Variants in NALF1 observed in about 807,000 individuals in gnomAD.
NALF1 encodes family with sequence similarity 155 member A.
NALF1 carries 3 observed loss-of-function variants against 48.4 expected under a neutral mutation model. That is an observed-to-expected ratio of 0.06 (90% CI 0.03 to 0.16). The LOEUF (loss-of-function observed/expected upper bound fraction) is 0.16. Among genes scored for constraint, NALF1 ranks in the 10% least tolerant of loss-of-function variants. The pLI is 1.00. For missense variants in NALF1, 526 were observed against 571.5 expected (o/e 0.92, Z 0.81); for synonymous variants, 262 against 245.7 (o/e 1.07, Z -0.62).
At chr13:107,182,253 C>CAT (rs1039929017) in intron 2 of NALF1, among the ~76,000 whole-genome samples, 1 of 143,758 alleles carries the variant, frequency 7.0e-6, no homozygotes, top group Non-Finnish European at 1.5e-5. Flanking sequence ...TGTGTGTGTC[C>CAT]GTGTGTGTGT....
At chr13:107,171,909 G>T (rs1424734391) in intron 2 of NALF1, among the ~76,000 whole-genome samples, 1 of 152,178 alleles carries the variant, frequency 6.6e-6, no homozygotes. Context: ...TCACATGCTT[G>T]GTTCAGTGCC....
intron 1 of NALF1, among the ~76,000 whole-genome samples, chr13:107,815,315 A>C (rs1352119739): frequency 1.3e-5 from 2 of 149,226 alleles, no homozygotes; most frequent in Non-Finnish European, 3.0e-5. Context: ...ACTCAGTAAC[A>C]CAAGATAAAT....
chr13:107,199,674 G>C (rs1020914798), intron 2 of NALF1, among the ~76,000 whole-genome samples: 1 of 152,142 alleles, frequency 6.6e-6, no homozygotes, highest in Non-Finnish European at 1.5e-5. Context: ...TCCAGGTAGC[G>C]GAGGTGTGTG....
chr13:107,257,260 G>C (rs910815919), intron 1 of NALF1, among the ~76,000 whole-genome samples: 19 of 152,096 alleles, frequency 1.2e-4, no homozygotes, highest in African/African-American at 4.6e-4. Flanking sequence ...ACACAGAGCC[G>C]AACCATGTTA....
intron 1 of NALF1, among the ~76,000 whole-genome samples, chr13:107,506,878 A>T (rs1875713551): frequency 1.3e-5 from 2 of 151,614 alleles, no homozygotes; most frequent in South Asian, 4.2e-4. Context: ...CTTTTTTTTT[A>T]ATTTCTCCTG....
chr13:107,709,690 A>G (rs1875507924), intron 1 of NALF1, among the ~76,000 whole-genome samples: 1 of 152,232 alleles, frequency 6.6e-6, no homozygotes. Flanking sequence ...AATAGTCTCA[A>G]CATGCATATG....
chr13:107,830,329 T>C (rs995442752), intron 1 of NALF1, among the ~76,000 whole-genome samples: 86 of 152,230 alleles, frequency 5.6e-4, no homozygotes, highest in African/African-American at 2.0e-3. Flanking sequence ...TATCTATGTA[T>C]AAAATGTATG....
chr13:107,517,423 G>A (rs910880539), intron 1 of NALF1, among the ~76,000 whole-genome samples: 5 of 151,824 alleles, frequency 3.3e-5, no homozygotes. Context: ...AAGATCAGGA[G>A]ATCGAGACCA....
At chr13:107,200,793 A>G (rs1347216316) in intron 2 of NALF1, among the ~76,000 whole-genome samples, 1 of 152,182 alleles carries the variant, frequency 6.6e-6, no homozygotes, top group East Asian at 1.9e-4. Flanking sequence ...AGCACCACTT[A>G]TCAATTCAAA....
chr13:107,336,324 G>A (rs1010885401), intron 1 of NALF1, among the ~76,000 whole-genome samples: 2 of 151,796 alleles, frequency 1.3e-5, no homozygotes, highest in South Asian at 4.2e-4. Context: ...CTGCACTCCA[G>A]CCTAGGTGAT....
intron 1 of NALF1, among the ~76,000 whole-genome samples, chr13:107,420,047 T>C (rs1237412040): frequency 6.6e-6 from 1 of 152,170 alleles, no homozygotes; most frequent in East Asian, 1.9e-4. Flanking sequence ...CCATTTTGCC[T>C]CTTACTTTCT....
chr13:107,449,867 C>G (rs1363330537), intron 1 of NALF1, among the ~76,000 whole-genome samples: 1 of 152,126 alleles, frequency 6.6e-6, no homozygotes, highest in Admixed American at 6.5e-5. Flanking sequence ...AACAGAGTCA[C>G]ACAGAGCTGG....
At chr13:107,776,451 G>A (rs573336558) in intron 1 of NALF1, among the ~76,000 whole-genome samples, 6 of 152,118 alleles carry the variant, frequency 3.9e-5, no homozygotes, top group East Asian at 3.9e-4. Context: ...CATTCTTAAC[G>A]CATAAAGAAC....
At chr13:107,533,858 T>C (rs1023284598) in intron 1 of NALF1, among the ~76,000 whole-genome samples, 5 of 152,096 alleles carry the variant, frequency 3.3e-5, no homozygotes, top group Non-Finnish European at 7.4e-5. Flanking sequence ...GTCTTTGTCA[T>C]TGAACATAGG....
intron 1 of NALF1, among the ~76,000 whole-genome samples, chr13:107,454,543 C>G (rs1013959143): frequency 2.6e-5 from 4 of 152,138 alleles, no homozygotes; most frequent in African/African-American, 9.7e-5. Context: ...CACTTGGTCT[C>G]TCCCATGACA....
chr13:107,268,581 T>C (rs190586251), intron 1 of NALF1, among the ~76,000 whole-genome samples: 1 of 152,206 alleles, frequency 6.6e-6, no homozygotes, highest in Non-Finnish European at 1.5e-5. Flanking sequence ...ATGTGTAATA[T>C]CTCTCTGTAT....
chr13:107,184,001 CAG>C (rs939834841), intron 2 of NALF1, among the ~76,000 whole-genome samples: 24 of 149,674 alleles, frequency 1.6e-4, no homozygotes, highest in African/African-American at 4.9e-4. Flanking sequence ...CTTTTTGAGA[CAG>C]AGTCTCACTC....
At chr13:107,378,493 T>C (rs1883378438) in intron 1 of NALF1, among the ~76,000 whole-genome samples, 1 of 152,116 alleles carries the variant, frequency 6.6e-6, no homozygotes, top group Non-Finnish European at 1.5e-5. Context: ...AACATACATG[T>C]ACATACTTTA....
chr13:107,238,113 T>C (rs1012240867), intron 1 of NALF1, among the ~76,000 whole-genome samples: 1 of 152,220 alleles, frequency 6.6e-6, no homozygotes, highest in African/African-American at 2.4e-5. Context: ...GTTTTTAGGA[T>C]GGAGCTAAAC....
Sources: gnomAD v4.1 joint callset for allele counts (sites outside exome capture counted in the v4.1 genomes callset) on GRCh38, gnomAD v4.1.1 for gene constraint, MANE v1.5 for transcripts, NCBI Gene and HGNC (gene_info 2026-07-23, HGNC 2026-07-21) for gene names.